MACROD2: variants seen among roughly 807,000 people sequenced by gnomAD.
The protein encoded by MACROD2 is ADP-ribose glycohydrolase MACROD2.
In MACROD2, 36 loss-of-function variants were observed where a neutral mutation model predicts 70.4. The ratio of observed to expected loss-of-function variants is 0.51; its 90% CI spans 0.39 to 0.68. MACROD2 has a LOEUF of 0.68. MACROD2 is among the 30% of genes least tolerant of loss of function. The probability of loss-of-function intolerance (pLI) is 0.00; values close to 1 mark genes in which losing one functional copy is unlikely to be tolerated. For synonymous variants in MACROD2, 172 were observed against 178.8 expected (o/e 0.96, Z 0.30); for missense variants, 496 against 538.4 (o/e 0.92, Z 0.78).
At chr20:15,857,774 A>G (rs1299893271) in intron 8 of MACROD2, among the ~76,000 whole-genome samples, 3 of 152,220 alleles carry the variant, frequency 2.0e-5, no homozygotes, top group Non-Finnish European at 4.4e-5. Flanking sequence ...AACTATAGAG[A>G]TGAGATAATT....
At position 14,557,511 on chromosome 20, in the gene MACROD2, T is replaced by G. The variant is rs140320592; in HGVS notation, c.301+64003T>G. On this transcript the variant is annotated intron_variant, in intron 4 of 17. Coordinates refer to ENST00000684519, the MANE Select transcript of MACROD2 (RefSeq NM_001351661.2). ...CTTGTATCCAAAATACATAAAGTAC[T>G]CATATACCTCATTAATTAAAAGACA... 1.1e-3 allele frequency among the ~76,000 whole-genome samples: 171 copies of G among 152,008 alleles called. 1 individual carries two copies. Among genetic ancestry groups the G allele is most frequent in the African/African-American group, 3.9e-3 (162 of 41,516 alleles).
At chr20:14,803,360 A>G (rs116534481) in intron 5 of MACROD2, among the ~76,000 whole-genome samples, 2,047 of 152,238 alleles carry the variant, frequency 0.013, 46 homozygotes, top group African/African-American at 0.047. Flanking sequence ...TTGATGAATC[A>G]CCAAGTCTTT....
chr20:15,663,117 T>C (rs1568960046), intron 8 of MACROD2, among the ~76,000 whole-genome samples: 1 of 152,108 alleles, frequency 6.6e-6, no homozygotes, highest in Admixed American at 6.6e-5. Context: ...TGTTCTCTTA[T>C]AGAAAGGATG....
At chr20:15,000,554 C>A (rs1402805184) in intron 5 of MACROD2, among the ~76,000 whole-genome samples, 1 of 114,030 alleles carries the variant, frequency 8.8e-6, no homozygotes, top group Non-Finnish European at 1.6e-5. Flanking sequence ...ACCCGGGAAG[C>A]GGAGCTTGCA....
intron 3 of MACROD2, among the ~76,000 whole-genome samples, chr20:14,166,651 A>ATTC (rs2055273885): frequency 6.6e-6 from 1 of 151,894 alleles, no homozygotes; most frequent in African/African-American, 2.4e-5. Flanking sequence ...CACTTTTATC[A>ATTC]TTCTCCCTAG....
chr20:15,810,037 C>T (rs868632997), intron 8 of MACROD2, among the ~76,000 whole-genome samples: 9 of 138,938 alleles, frequency 6.5e-5, no homozygotes, highest in Non-Finnish European at 9.3e-5. Flanking sequence ...ACAACAGTGC[C>T]GGGAGTGTGA....
intron 8 of MACROD2, among the ~76,000 whole-genome samples, chr20:15,673,934 T>C (rs1452427905): frequency 6.6e-6 from 1 of 152,224 alleles, no homozygotes; most frequent in Non-Finnish European, 1.5e-5. Context: ...AATGGATTTT[T>C]AAATTGTATT....
intron 3 of MACROD2, among the ~76,000 whole-genome samples, chr20:14,379,064 G>A (rs911035712): frequency 6.6e-6 from 1 of 152,140 alleles, no homozygotes; most frequent in Admixed American, 6.5e-5. Context: ...TGCTTCATAT[G>A]TGCCAGGTAC....
chr20:15,556,729 A>T (rs886239964), intron 8 of MACROD2, among the ~76,000 whole-genome samples: 1 of 152,218 alleles, frequency 6.6e-6, no homozygotes, highest in Admixed American at 6.5e-5. Context: ...CAGTTTTCTT[A>T]TTAAGAACAA....
At chr20:15,811,528 G>A (rs985648538) in intron 8 of MACROD2, among the ~76,000 whole-genome samples, 9 of 152,046 alleles carry the variant, frequency 5.9e-5, no homozygotes, top group Non-Finnish European at 1.2e-4. Context: ...TCTTTATATT[G>A]CTAACAACTA....
At chr20:15,496,196 G>C (rs2146484541) in intron 7 of MACROD2, among the ~76,000 whole-genome samples, 1 of 152,320 alleles carries the variant, frequency 6.6e-6, no homozygotes, top group South Asian at 2.1e-4. Flanking sequence ...GTATTCCTTG[G>C]AAAGTAGCTG....
intron 8 of MACROD2, among the ~76,000 whole-genome samples, chr20:15,704,596 G>C (rs1279969260): frequency 6.6e-6 from 1 of 152,220 alleles, no homozygotes; most frequent in East Asian, 1.9e-4. Context: ...TGCAGATTGA[G>C]ATTCTGTGGG....
At chr20:15,666,283 G>C (rs189800956) in intron 8 of MACROD2, among the ~76,000 whole-genome samples, 3 of 152,274 alleles carry the variant, frequency 2.0e-5, no homozygotes, top group African/African-American at 7.2e-5. Context: ...CTCTAGAGAG[G>C]AGGAGATATC....
At position 14,516,402 on chromosome 20, in the gene MACROD2, C is replaced by G. The variant is rs188173808; in HGVS notation, c.301+22894C>G. 1.5e-3 allele frequency among the ~76,000 whole-genome samples: 224 copies of G among 152,142 alleles called. 1 individual carries two copies. Among genetic ancestry groups the G allele is most frequent in the African/African-American group, 5.2e-3 (214 of 41,478 alleles). ...ATGCCTGTGTCCTGAATGGTATTGC[C>G]TAGGTTTTCTTCTAGGGTTTTTATG... On this transcript the variant is annotated intron_variant, in intron 4 of 17. Transcript: ENST00000684519.
intron 2 of MACROD2, among the ~76,000 whole-genome samples, chr20:14,078,532 G>A (rs567472560): frequency 6.6e-6 from 1 of 151,974 alleles, no homozygotes; most frequent in South Asian, 2.1e-4. Flanking sequence ...TCAGCCTCCC[G>A]AGTACCTGGG....
At chr20:14,447,848 A>T (rs2084199633) in intron 3 of MACROD2, among the ~76,000 whole-genome samples, 1 of 151,794 alleles carries the variant, frequency 6.6e-6, no homozygotes, top group Admixed American at 6.6e-5. Flanking sequence ...GCAGTCTTTG[A>T]GTAATGGAAG....
rs2047791578 is a variant in MACROD2, at chr20:15,531,015, T to TC, written c.645+31168_645+31169insC. 2.6e-5 allele frequency among the ~76,000 whole-genome samples: 4 copies of TC among 151,046 alleles called. No homozygotes were observed. The South Asian group carries it at 8.3e-4, about 31-fold the overall frequency. On this transcript the variant is annotated intron_variant, in intron 8 of 17. Coordinates refer to ENST00000684519, the MANE Select transcript of MACROD2 (RefSeq NM_001351661.2). Reference sequence around the variant, plus strand: ...AATAACTTCGCTTTTTTTTTTTTTTTACAAATTGCTGGAGTTGTACATCGA... The same window carrying TC: ...AATAACTTCGCTTTTTTTTTTTTTTTCACAAATTGCTGGAGTTGTACATCGA...
chr20:14,052,720 A>G lies in MACROD2; in HGVS notation c.164-32901A>G, dbSNP rs572780415. On this transcript the variant is annotated intron_variant, in intron 2 of 17. Transcript: ENST00000684519. ...ACAGATTTTTTTTTTTGCAAACCAT[A>G]TGTCAGGGAATTTCTCAGAGGTTTT... Among the ~76,000 whole-genome samples the G allele has an allele frequency of 2.2e-3, 337 of 151,970 alleles. 1 individual carries two copies. Among genetic ancestry groups the G allele is most frequent in the African/African-American group, 7.8e-3 (323 of 41,472 alleles).
intron 8 of MACROD2, among the ~76,000 whole-genome samples, chr20:15,754,683 CT>C (rs536927554): frequency 0.12 from 15,922 of 132,652 alleles, 978 homozygotes; most frequent in Admixed American, 0.15. Flanking sequence ...TCTATTCAAT[CT>C]TTTTTTTTTT....
Sources: gnomAD v4.1 joint callset for allele counts (sites outside exome capture counted in the v4.1 genomes callset) on GRCh38, gnomAD v4.1.1 for gene constraint, MANE v1.5 for transcripts, NCBI Gene and HGNC (gene_info 2026-07-23, HGNC 2026-07-21) for gene names.